Variants in CBX2 observed in about 807,000 individuals in gnomAD.
CBX2 encodes chromobox protein homolog 2.
A neutral mutation model predicts 21.0 loss-of-function variants in CBX2; 11 were observed. That is an observed-to-expected ratio of 0.52 (90% CI 0.33 to 0.87). The LOEUF (loss-of-function observed/expected upper bound fraction) is 0.87, where lower values mean the gene tolerates loss of function less well. Ranked by LOEUF, CBX2 falls within the 40% of genes least tolerant of loss-of-function variation. CBX2 has a pLI of 0.02. For synonymous variants in CBX2, 364 were observed against 304.6 expected (o/e 1.19, Z -2.03); for missense variants, 746 against 724.3 (o/e 1.03, Z -0.34).
chr17:79,779,610 C>G (rs1555829799), intron 3 of CBX2, 183 bp downstream of exon 3: 2 of 629,426 alleles, frequency 3.2e-6, no homozygotes, highest in African/African-American at 3.6e-5. Context: ...AGCCCCTCTC[C>G]CACCTTCTCC....
rs9912676 is a variant in CBX2, at chr17:79,782,095, C to G, written c.288+294C>G. 4.5e-3 allele frequency: 7,257 copies of G among 1,613,590 alleles called. 279 individuals carry two copies. The African/African-American group carries it at 0.085, about 19-fold the overall frequency. On this transcript the variant is annotated intron_variant, in intron 4 of 4. Transcript: ENST00000310942. ...CAAACTGCTGCAGACAAGCACTCTT[C>G]CCTCCCAGGGGGTCCTTGGGGGACG...
intron 3 of CBX2, 179 bp downstream of exon 3, chr17:79,779,606 T>C: frequency 1.6e-6 from 1 of 628,856 alleles, no homozygotes; most frequent in Non-Finnish European, 2.9e-6. Context: ...AGCCAGCCCC[T>C]CTCCCACCTT....
intron 4 of CBX2, among the ~76,000 whole-genome samples, chr17:79,782,806 A>C (rs1419273199): frequency 6.6e-6 from 1 of 152,086 alleles, no homozygotes; most frequent in Non-Finnish European, 1.5e-5. Flanking sequence ...GGTGGTAGGG[A>C]GGCGGTGTTG....
intron 3 of CBX2, among the ~76,000 whole-genome samples, chr17:79,779,999 T>G (rs1907053678): frequency 6.6e-6 from 1 of 152,258 alleles, no homozygotes; most frequent in Admixed American, 6.5e-5. Context: ...GGGCCAGACT[T>G]GTTTCTGTAA....
intron 4 of CBX2, chr17:79,782,237 G>A (rs925113460): frequency 3.4e-5 from 54 of 1,587,150 alleles, no homozygotes; most frequent in Non-Finnish European, 4.4e-5. Context: ...ACCTTAAATC[G>A]AGGTGGCCAC....
chr17:79,782,494 G>T, intron 4 of CBX2: 1 of 1,191,200 alleles, frequency 8.4e-7, no homozygotes, highest in Non-Finnish European at 1.1e-6. Flanking sequence ...CCTCAGTCCC[G>T]GGTGTGGCTT....
intron 2 of CBX2, among the ~76,000 whole-genome samples, chr17:79,779,047 CCT>C (rs1906959593): frequency 6.6e-6 from 1 of 152,220 alleles, no homozygotes; most frequent in Non-Finnish European, 1.5e-5. Flanking sequence ...TGGGGGAATC[CCT>C]CTCTGCAACT....
intron 3 of CBX2, among the ~76,000 whole-genome samples, chr17:79,779,976 A>G (rs1907051659): frequency 6.6e-6 from 1 of 152,280 alleles, no homozygotes; most frequent in Admixed American, 6.5e-5. Flanking sequence ...AAGTAGCACC[A>G]TGAGGCCGGA....
In CBX2 at chr17:79,784,917, G is replaced by C. The variant is rs1555831435; in HGVS notation, c.1474G>C (p.Asp492His). 5 of 1,613,412 alleles carry C rather than the reference G, an allele frequency of 3.1e-6. No individual in the cohort carries two copies. The South Asian group carries it at 5.5e-5, about 18-fold the overall frequency. ...NPSVSVQTSQ[D>H]WKPTRSLIEH... is the part of the protein sequence containing the mutation. ...GTCAGTGTCCGTTCAGACCAGCCAG[G>C]ACTGGAAGCCCACCCGCAGCCTCAT... Residue 492 changes from aspartate to histidine, a missense_variant, in exon 5 of 5, where the codon GAC becomes CAC. Physicochemically the swap from Asp to His is moderately conservative, Grantham distance 81. Coordinates refer to ENST00000310942, the MANE Select transcript of CBX2 (RefSeq NM_005189.3). The surrounding 1 kb of genome is among the most constrained non-coding windows in gnomAD (Gnocchi z 5.9).
At chr17:79,780,865 G>A (rs1337964067) in intron 3 of CBX2, among the ~76,000 whole-genome samples, 1 of 152,164 alleles carries the variant, frequency 6.6e-6, no homozygotes, top group Non-Finnish European at 1.5e-5. Context: ...TCAGGTTAAG[G>A]ACCAGCACTT....
Position 79,784,514 on chromosome 17 carries a change from C to T in CBX2, c.1071C>T (p.Asp357=). 1 of 1,612,748 alleles carries T rather than the reference C, an allele frequency of 6.2e-7. No homozygotes were observed. The change falls in exon 5 of 5, where the codon GAC becomes GAT. Residue 357 remains aspartate, a synonymous_variant. Coordinates refer to ENST00000310942, the MANE Select transcript of CBX2 (RefSeq NM_005189.3). The surrounding 1 kb of genome is among the most constrained non-coding windows in gnomAD (Gnocchi z 5.9). ...PTQELSLQVL[D]LQSVKNGMPG... Reference sequence around the variant, plus strand: ...AGGAGCTGAGCCTCCAGGTCTTGGACTTGCAGAGTGTCAAGAATGGCATGC... The same window carrying T: ...AGGAGCTGAGCCTCCAGGTCTTGGATTTGCAGAGTGTCAAGAATGGCATGC...
In CBX2 at chr17:79,785,069, C is replaced by G; in HGVS notation, c.*27C>G. 2.6e-6 allele frequency: 4 copies of G among 1,563,334 alleles called. No individual in the cohort carries two copies. Among genetic ancestry groups the G allele is most frequent in the African/African-American group, 1.3e-5 (1 of 74,260 alleles). ...GCCCCGGCGCCACCAGCTGCGCGGT[C>G]TTACTCCCCTTCCCTGCCTATGGTG... On this transcript the variant is annotated 3_prime_UTR_variant, in exon 5 of 5. Transcript: ENST00000310942.
intron 4 of CBX2, chr17:79,782,021 G>C: frequency 6.2e-7 from 1 of 1,614,046 alleles, no homozygotes; most frequent in African/African-American, 1.3e-5. Context: ...CCTCCCAGGG[G>C]CTTCCTGCTT....
rs556032853 is a variant in CBX2 at position 79,781,076 on chromosome 17, G to A, written c.183-620G>A. 1.6e-4 allele frequency among the ~76,000 whole-genome samples: 24 copies of A among 152,118 alleles called. No homozygotes were observed. The South Asian group carries it at 2.5e-3, about 16-fold the overall frequency. ...CTTCTGGGGGCGGGGGGGGTACTGC[G>A]AGTGGTGCGTGCATTGAGCCTTGCC... On this transcript the variant is annotated intron_variant, in intron 3 of 4. Coordinates refer to ENST00000310942, the MANE Select transcript of CBX2 (RefSeq NM_005189.3).
chr17:79,784,318 T>G lies in CBX2; in HGVS notation c.875T>G (p.Val292Gly), dbSNP rs782382323. ...TGCGGCCTCGGGCTGGACCTGAAGGTGAGGACGCAGAAAGGGGAGCTGGGA... is the reference window on the plus strand; with the variant it reads ...TGCGGCCTCGGGCTGGACCTGAAGGGGAGGACGCAGAAAGGGGAGCTGGGA... ...NKCGLGLDLK[V>G]RTQKGELGMS... Residue 292 changes from valine (V) to glycine (G), a missense_variant, in exon 5 of 5, where the codon GTG (valine) becomes GGG (glycine). By Grantham distance (109) the Val-to-Gly change is moderately radical. Transcript: ENST00000310942. This position sits in a 1 kb window ranked among gnomAD's most constrained non-coding sequence, Gnocchi z 5.9. 3.1e-6 allele frequency: 5 copies of G among 1,612,318 alleles called. No individual in the cohort carries two copies. The highest frequency in any genetic ancestry group is 3.3e-5 in the Admixed American group (2 of 59,966).
Position 79,779,243 on chromosome 17 carries a change from AC to A in CBX2, c.117-118del, listed in dbSNP as rs538707875. 1.3e-5 allele frequency: 12 copies of A among 904,482 alleles called. No individual in the cohort carries two copies. The African/African-American group carries it at 1.8e-4, about 14-fold the overall frequency. The allele number at this position is 904,482 out of a possible 1,614,324, so 56.0% of individuals were successfully genotyped here. ...GGACTTTGAGAAGTGCCATGGTGCT[AC>A]GGTGCCACTGCCATCGGCCCAAGTC... On this transcript the variant is annotated intron_variant, in intron 2 of 4. Transcript: ENST00000310942.
At chr17:79,783,673 G>C in intron 4 of CBX2, 59 bp from the exon 5 acceptor site, 1 of 1,458,818 alleles carries the variant, frequency 6.9e-7, no homozygotes, top group Middle Eastern at 1.9e-4. Flanking sequence ...GCCTCCCAAA[G>C]TGCTGGGATT....
Position 79,783,735 on chromosome 17 carries a change from C to T in CBX2, c.292C>T (p.Pro98Ser), listed in dbSNP as rs1304097644. ...AACTTCTCCTTTATCTTTCCAGGAA[C>T]CCGATGCTCCCTCCAAATCCAAGTC... ...SCSRRSKLKE[P>S]DAPSKSKSSS... is the part of the protein sequence containing the mutation. The change falls in exon 5 of 5, where the codon CCC becomes TCC. Residue 98 changes from proline (P) to serine (S), a missense_variant. Physicochemically the swap from Pro to Ser is moderately conservative, Grantham distance 74. Coordinates refer to ENST00000310942, the MANE Select transcript of CBX2 (RefSeq NM_005189.3). 1 of 1,551,922 alleles carries T rather than the reference C, an allele frequency of 6.4e-7. No individual in the cohort carries two copies. The highest frequency in any genetic ancestry group is 1.4e-5 in the African/African-American group (1 of 73,174).
Position 79,784,375 on chromosome 17 carries a change from C to T in CBX2, c.932C>T (p.Ala311Val), listed in dbSNP as rs369432478. ...MSPPGSKIPK[A>V]PSGGAVEQKV... ...CCTCCAGGAAGCAAAATCCCGAAGGCCCCCAGCGGTGGGGCTGTGGAGCAG... is the reference window on the plus strand; with the variant it reads ...CCTCCAGGAAGCAAAATCCCGAAGGTCCCCAGCGGTGGGGCTGTGGAGCAG... Residue 311 changes from alanine to valine, a missense_variant, in exon 5 of 5, where the codon GCC becomes GTC. Ala to Val is a moderately conservative substitution (Grantham distance 64). This residue lies in a region of CBX2 where 701 missense variants were observed against 650.7 expected (regional missense o/e 1.08). Coordinates refer to ENST00000310942, the MANE Select transcript of CBX2 (RefSeq NM_005189.3). The surrounding 1 kb of genome is among the most constrained non-coding windows in gnomAD (Gnocchi z 5.9). 6.8e-6 allele frequency: 11 copies of T among 1,612,670 alleles called. No individual in the cohort carries two copies. In the African/African-American group the frequency reaches 1.3e-4, roughly 20 times the overall value.
Sources: gnomAD v4.1 joint callset for allele counts (sites outside exome capture counted in the v4.1 genomes callset) on GRCh38, gnomAD v4.1.1 for gene constraint, gnomAD v4.1.1 regional missense constraint, Gnocchi (gnomAD v3.1) non-coding constraint, MANE v1.5 for transcripts, NCBI Gene and HGNC (gene_info 2026-07-23, HGNC 2026-07-21) for gene names.